The following TYW1 variants were observed in gnomAD, a reference collection of about 807,000 sequenced individuals.
TYW1 encodes the protein tRNA-yW synthesizing protein 1 homolog.
In TYW1, 46 loss-of-function variants were observed where a neutral mutation model predicts 96.2. That is an observed-to-expected ratio of 0.48 (90% confidence interval 0.38 to 0.61). The LOEUF (loss-of-function observed/expected upper bound fraction) is 0.61, where lower values mean the gene tolerates loss of function less well. TYW1 is among the 20% of genes least tolerant of loss of function. TYW1 has a pLI of 0.00. For missense variants in TYW1, 684 were observed against 909.6 expected, an observed-to-expected ratio of 0.75 and a Z score of 3.19; for synonymous variants, 274 against 323.0, an observed-to-expected ratio of 0.85 and a Z score of 1.63.
At chr7:67,213,207 G>A (rs954192604) in intron 15 of TYW1, among the ~76,000 whole-genome samples, 3 of 151,154 alleles carry the variant, frequency 2.0e-5, no homozygotes, top group African/African-American at 7.3e-5. Context: ...TCACTCTGTC[G>A]CCCAGGCTGG....
chr7:67,207,968 G>C (rs1317960552), intron 15 of TYW1, among the ~76,000 whole-genome samples: 1 of 152,090 alleles, frequency 6.6e-6, no homozygotes. Flanking sequence ...TGATCCACCT[G>C]CCTCGGCCTC....
intron 12 of TYW1, among the ~76,000 whole-genome samples, chr7:67,103,622 A>G (rs929621619): frequency 1.3e-5 from 2 of 152,204 alleles, no homozygotes; most frequent in African/African-American, 4.8e-5. Flanking sequence ...AAGTTTTCTA[A>G]GAGGAGATAA....
intron 10 of TYW1, among the ~76,000 whole-genome samples, chr7:67,074,673 G>T (rs184945525): frequency 1.1e-4 from 17 of 152,276 alleles, no homozygotes; most frequent in Admixed American, 1.0e-3. Context: ...TGATTTAAAT[G>T]TTACATAAAT....
intron 13 of TYW1, among the ~76,000 whole-genome samples, chr7:67,120,301 CA>C (rs372168041): frequency 0.28 from 41,955 of 151,712 alleles, 6,631 homozygotes; most frequent in African/African-American, 0.44. Flanking sequence ...AGGCTGGTCT[CA>C]AAACTCCTGA....
chr7:67,151,052 T>TGC (rs1554377291), intron 13 of TYW1, among the ~76,000 whole-genome samples: 1 of 45,506 alleles, frequency 2.2e-5, no homozygotes, highest in Non-Finnish European at 6.0e-5. Context: ...ATTCTTCTTC[T>TGC]TTTTTTTTTT....
rs538839042 is a variant in TYW1 at position 67,112,100 on chromosome 7, CAA to C, written c.1563-5361_1563-5360del. ...GGTGACAGAGCGAGACTCTGTCTGA[CAA>C]AAAAAAAAAAAAAAAAAAAAAGAAA... On this transcript the variant is annotated intron_variant, in intron 12 of 15. Coordinates refer to ENST00000359626, the MANE Select transcript of TYW1 (RefSeq NM_018264.4). Among the ~76,000 whole-genome samples, 22 of 94,880 alleles carry C rather than the reference CAA, an allele frequency of 2.3e-4. 1 individual carries two copies. Among genetic ancestry groups the C allele is most frequent in the Admixed American group, 8.2e-4 (6 of 7,360 alleles). 62.2% of individuals were successfully genotyped at this position (94,880 alleles called of 152,430 possible). A position where few individuals can be genotyped will look rare whatever the true frequency, so the allele number is the denominator to read the frequency against.
At chr7:67,208,807 G>T (rs533280918) in intron 15 of TYW1, among the ~76,000 whole-genome samples, 2 of 151,820 alleles carry the variant, frequency 1.3e-5, no homozygotes, top group Admixed American at 1.3e-4. Flanking sequence ...TTCACAACAT[G>T]ATATAGCCTC....
At chr7:67,034,956 T>TC (rs1306816515) in intron 7 of TYW1, among the ~76,000 whole-genome samples, 3 of 152,204 alleles carry the variant, frequency 2.0e-5, no homozygotes, top group African/African-American at 7.2e-5. Context: ...GAGTACCTGT[T>TC]CTCTACATCT....
At chr7:67,214,493 C>A (rs1801144469) in intron 15 of TYW1, among the ~76,000 whole-genome samples, 1 of 152,016 alleles carries the variant, frequency 6.6e-6, no homozygotes, top group Non-Finnish European at 1.5e-5. Flanking sequence ...TCTTTTATTT[C>A]CTTTTCTTGT....
intron 15 of TYW1, among the ~76,000 whole-genome samples, chr7:67,203,218 A>T (rs941988456): frequency 6.6e-6 from 1 of 152,228 alleles, no homozygotes. Context: ...TATAAACAGA[A>T]GTTTACTCTA....
At position 67,025,650 on chromosome 7, in the gene TYW1, A is replaced by G. The variant is rs1363483680; in HGVS notation, c.984+628A>G. ...GGAGATCAGCATGACTGGGGCCCCT[A>G]GGAATCCAGGAAATACCAATCTGGG... is the stretch of plus-strand genomic sequence containing the variant. On this transcript the variant is annotated intron_variant, in intron 7 of 15. Transcript: ENST00000359626. 3.9e-5 allele frequency among the ~76,000 whole-genome samples: 6 copies of G among 152,166 alleles called. No individual in the cohort carries two copies. The East Asian group carries it at 9.6e-4, about 24-fold the overall frequency.
chr7:67,145,520 T>A (rs1399971403), intron 13 of TYW1, among the ~76,000 whole-genome samples: 4 of 152,184 alleles, frequency 2.6e-5, no homozygotes, highest in Non-Finnish European at 4.4e-5. Context: ...ATTAAAATAG[T>A]GTGAAATATG....
At position 67,230,652 on chromosome 7, in the gene TYW1, C is replaced by CTTTTTTTTTTT. The variant is rs34585182; in HGVS notation, c.1978-7648_1978-7638dup. 3.5e-3 allele frequency among the ~76,000 whole-genome samples: 412 copies of CTTTTTTTTTTT among 119,392 alleles called. 4 individuals carry two copies. The highest frequency in any genetic ancestry group is 4.9e-3 in the African/African-American group (143 of 28,964). The allele number at this position is 119,392 out of a possible 152,430, so 78.3% of individuals were successfully genotyped here. On this transcript the variant is annotated intron_variant, in intron 15 of 15. Transcript: ENST00000359626. ...CAACCCACCATTTTGCTTATTATCT[C>CTTTTTTTTTTT]TTTTTTTTTTTTTTTTTTGAGGCGG...
chr7:67,206,109 G>A (rs931189866), intron 15 of TYW1, among the ~76,000 whole-genome samples: 4 of 152,188 alleles, frequency 2.6e-5, no homozygotes, highest in African/African-American at 9.7e-5. Flanking sequence ...GAACAGTAAT[G>A]CCAATCCAGA....
In TYW1 at chr7:67,098,542, A is replaced by C. The variant is rs774810892; in HGVS notation, c.1386A>C (p.Gly462=). 6.4e-7 allele frequency: 1 copy of C among 1,571,864 alleles called. No homozygotes were observed. Among genetic ancestry groups the C allele is most frequent in the South Asian group, 1.2e-5 (1 of 86,246 alleles). ...NHQNMIKQFK[G]VPGVKAERFE... ...GGTCCTTCTCACTGTATTCTCCAGG[A>C]GTACCGGGCGTCAAAGCAGAACGCT... The change falls in exon 12 of 16, where the codon GGA becomes GGC. Residue 462 remains glycine, a splice_region_variant and synonymous_variant. Transcript: ENST00000359626.
At chr7:67,189,375 T>C (rs182629176) in intron 14 of TYW1, among the ~76,000 whole-genome samples, 2 of 150,860 alleles carry the variant, frequency 1.3e-5, no homozygotes, top group East Asian at 3.9e-4. Context: ...TGTGTGCATG[T>C]ATGTGTGTTC....
intron 15 of TYW1, among the ~76,000 whole-genome samples, chr7:67,227,850 A>G (rs1461036935): frequency 2.0e-5 from 3 of 152,232 alleles, no homozygotes; most frequent in Admixed American, 1.3e-4. Context: ...GAATTCTCCT[A>G]GACTCGGTCC....
Position 67,014,421 on chromosome 7 carries a change from C to A in TYW1, c.430C>A (p.Pro144Thr), listed in dbSNP as rs1793936190. Residue 144 changes from proline (P) to threonine (T), a missense_variant, in exon 5 of 16, where the codon CCA (proline) becomes ACA (threonine). Physicochemically the swap from Pro to Thr is conservative, Grantham distance 38 (BLOSUM62 -1). Coordinates refer to ENST00000359626, the MANE Select transcript of TYW1 (RefSeq NM_018264.4). The part of the protein sequence containing the change: ...FLVATYTDGL[P>T]TESAEWFCKW... The stretch of plus-strand genomic sequence containing the variant: ...GGTTGCGACATACACTGACGGCCTA[C>A]CAACTGAAAGTGCAGAGTGGTTCTG... 6.2e-7 allele frequency: 1 copy of A among 1,613,700 alleles called. No homozygotes were observed. Among genetic ancestry groups the A allele is most frequent in the African/African-American group, 1.3e-5 (1 of 74,902 alleles).
At chr7:67,106,894 C>T (rs1797261223) in intron 12 of TYW1, among the ~76,000 whole-genome samples, 1 of 152,208 alleles carries the variant, frequency 6.6e-6, no homozygotes, top group Non-Finnish European at 1.5e-5. Context: ...AGACTCACCT[C>T]CTGCTCCCAA....
Sources: gnomAD v4.1 joint callset for allele counts (sites outside exome capture counted in the v4.1 genomes callset) on GRCh38, gnomAD v4.1.1 for gene constraint, MANE v1.5 for transcripts, NCBI Gene and HGNC (gene_info 2026-07-23, HGNC 2026-07-21) for gene names.